The following GABRR1 variants were observed in gnomAD, a reference collection of about 807,000 sequenced individuals.
GABRR1 encodes gamma-aminobutyric acid receptor subunit rho-1.
In GABRR1, 59 loss-of-function variants were observed where a neutral mutation model predicts 55.5. The observed-to-expected ratio is 1.06, with a 90% CI of 0.86 to 1.32. The LOEUF (loss-of-function observed/expected upper bound fraction) is 1.32, where lower values mean the gene tolerates loss of function less well. Among genes scored for constraint, GABRR1 ranks in the 40% most tolerant of loss-of-function variants. The pLI is 0.00. For missense variants in GABRR1, 602 were observed against 619.1 expected, an observed-to-expected ratio of 0.97 and a Z score of 0.29; for synonymous variants, 213 against 226.0, an observed-to-expected ratio of 0.94 and a Z score of 0.51.
intron 7 of GABRR1, among the ~76,000 whole-genome samples, chr6:89,184,153 T>C (rs902339554): frequency 6.6e-6 from 1 of 151,698 alleles, no homozygotes. Flanking sequence ...GGCAGGAGAA[T>C]TGCTTGAACC....
intron 5 of GABRR1, among the ~76,000 whole-genome samples, chr6:89,191,422 G>T (rs957475435): frequency 3.9e-5 from 6 of 152,108 alleles, no homozygotes; most frequent in Non-Finnish European, 5.9e-5. Flanking sequence ...CTAACTTCAG[G>T]GACACTTCGA....
At chr6:89,205,072 A>G (rs1772600214) in intron 1 of GABRR1, among the ~76,000 whole-genome samples, 1 of 152,182 alleles carries the variant, frequency 6.6e-6, no homozygotes, top group African/African-American at 2.4e-5. Context: ...GTGAGTTACC[A>G]TGCTAACTCC....
chr6:89,190,253 G>T lies in GABRR1; in HGVS notation c.573-6C>A. ...ACATTGCAGTTACTGTAACCCTAGG[G>T]CCAAAAAGACAAAATTGATTTATTC... is the stretch of plus-strand genomic sequence containing the variant. On this transcript the variant is annotated splice_polypyrimidine_tract_variant and splice_region_variant and intron_variant, in intron 5 of 9. Coordinates refer to ENST00000454853, the MANE Select transcript of GABRR1 (RefSeq NM_002042.5). The T allele has an allele frequency of 6.3e-7, 1 of 1,593,666 alleles. No individual in the cohort carries two copies. Among genetic ancestry groups the T allele is most frequent in the Non-Finnish European group, 8.5e-7 (1 of 1,170,622 alleles).
At chr6:89,199,148 T>C (rs1772387941) in intron 4 of GABRR1, among the ~76,000 whole-genome samples, 2 of 152,164 alleles carry the variant, frequency 1.3e-5, no homozygotes, top group African/African-American at 2.4e-5. Flanking sequence ...GCCTGGCCAC[T>C]GGAGTGAGAA....
intron 5 of GABRR1, among the ~76,000 whole-genome samples, chr6:89,191,974 G>A (rs1582384015): frequency 1.3e-5 from 2 of 151,886 alleles, no homozygotes; most frequent in African/African-American, 2.4e-5. Context: ...CCTGGGAGGC[G>A]GAGGTTGCAG....
intron 5 of GABRR1, among the ~76,000 whole-genome samples, chr6:89,190,957 G>A (rs1426509642): frequency 1.3e-5 from 2 of 152,196 alleles, no homozygotes; most frequent in Non-Finnish European, 2.9e-5. Context: ...CCTATCCAGT[G>A]GGGAATTTCA....
At chr6:89,207,463 G>C (rs1239800709) in intron 1 of GABRR1, among the ~76,000 whole-genome samples, 2 of 152,240 alleles carry the variant, frequency 1.3e-5, no homozygotes, top group East Asian at 3.9e-4. Context: ...CCAAAATGCT[G>C]GGATTACAAG....
intron 1 of GABRR1, among the ~76,000 whole-genome samples, chr6:89,208,013 G>C (rs1425620327): frequency 1.3e-5 from 2 of 152,290 alleles, no homozygotes; most frequent in South Asian, 4.1e-4. Flanking sequence ...AGATGGCTTC[G>C]AAACCTTTCA....
Position 89,216,700 on chromosome 6 carries a change from T to C in GABRR1, c.122+501A>G, listed in dbSNP as rs548183508. Reference sequence around the variant, plus strand: ...GTCCCTGGCCCTCCCAATTTATAGGTAGGGAACCATCTAATAATGATCCTT... The same window carrying C: ...GTCCCTGGCCCTCCCAATTTATAGGCAGGGAACCATCTAATAATGATCCTT... On this transcript the variant is annotated intron_variant, in intron 1 of 9. Transcript: ENST00000454853. Among the ~76,000 whole-genome samples the C allele has an allele frequency of 1.1e-4, 17 of 152,320 alleles. No individual in the cohort carries two copies. The South Asian group carries it at 2.9e-3, about 26-fold the overall frequency.
Position 89,206,786 on chromosome 6 carries a change from A to T in GABRR1, c.123-3301T>A, listed in dbSNP as rs935651034. Among the ~76,000 whole-genome samples the T allele has an allele frequency of 6.7e-3, 89 of 13,344 alleles. 2 individuals are homozygous for T. The highest frequency in any genetic ancestry group is 2.8e-3 in the Non-Finnish European group (17 of 6,042). 8.8% of individuals were successfully genotyped at this position (13,344 alleles called of 152,430 possible). A position where few individuals can be genotyped will look rare whatever the true frequency, so the allele number is the denominator to read the frequency against. On this transcript the variant is annotated intron_variant, in intron 1 of 9. Coordinates refer to ENST00000454853, the MANE Select transcript of GABRR1 (RefSeq NM_002042.5). The stretch of plus-strand genomic sequence containing the variant: ...GTGTGACACCATGCCCAGCTAATTT[A>T]AAAAAAAAAATTGTAGTGAAGGGGT...
At chr6:89,223,913 G>C (rs1207544962) in intron 1 of GABRR1, among the ~76,000 whole-genome samples, 1 of 151,636 alleles carries the variant, frequency 6.6e-6, no homozygotes, top group East Asian at 1.9e-4. Flanking sequence ...ACAGGCATAT[G>C]CCACCATGCC....
chr6:89,187,193 G>A (rs1463792852), intron 6 of GABRR1, among the ~76,000 whole-genome samples: 1 of 151,416 alleles, frequency 6.6e-6, no homozygotes, highest in Non-Finnish European at 1.5e-5. Context: ...TCTTTCTGTG[G>A]CCTGGTTTCT....
intron 5 of GABRR1, among the ~76,000 whole-genome samples, chr6:89,194,557 G>A (rs1006369503): frequency 6.6e-6 from 1 of 152,152 alleles, no homozygotes; most frequent in Non-Finnish European, 1.5e-5. Context: ...ACAAGACCAT[G>A]ATTTGTAATC....
At chr6:89,180,220 G>C in intron 9 of GABRR1, 72 bp downstream of exon 9, 1 of 1,519,764 alleles carries the variant, frequency 6.6e-7, no homozygotes, top group Non-Finnish European at 8.9e-7. Flanking sequence ...GAGAAGGTCT[G>C]CCCTGCCTGA....
intron 1 of GABRR1, among the ~76,000 whole-genome samples, chr6:89,226,397 G>T (rs552893898): frequency 7.7e-4 from 113 of 146,038 alleles, no homozygotes; most frequent in African/African-American, 2.9e-3. Context: ...TATGGTTTTA[G>T]GTCTAACGTT....
At chr6:89,203,348 C>G in intron 2 of GABRR1, 87 bp downstream of exon 2, 1 of 1,181,450 alleles carries the variant, frequency 8.5e-7, no homozygotes, top group South Asian at 1.2e-5. Flanking sequence ...GGTGAGGGGT[C>G]GGGGAGGGGC....
intron 1 of GABRR1, among the ~76,000 whole-genome samples, chr6:89,226,046 G>C (rs1419015133): frequency 6.6e-6 from 1 of 151,664 alleles, no homozygotes; most frequent in Non-Finnish European, 1.5e-5. Flanking sequence ...TGTGTTTTTT[G>C]GCTGCATAAA....
At chr6:89,224,660 A>T (rs1773168680) in intron 1 of GABRR1, among the ~76,000 whole-genome samples, 1 of 152,188 alleles carries the variant, frequency 6.6e-6, no homozygotes, top group Non-Finnish European at 1.5e-5. Context: ...TGCTGTGCAG[A>T]AGCTCTTTAG....
At position 89,228,984 on chromosome 6, in the gene GABRR1, T is replaced by G. The variant is rs1459136544; in HGVS notation, c.-411+2232A>C. ...ATATATATTTAGGATAGTTAGCTCT[T>G]CTTGTTGAATTGATCCCTTTACCAT... On this transcript the variant is annotated intron_variant, in intron 1 of 11. Coordinates refer to the GABRR1 transcript ENST00000369451. Among the ~76,000 whole-genome samples, 4 of 150,478 alleles carry G rather than the reference T, an allele frequency of 2.7e-5. No individual in the cohort carries two copies. In the East Asian group the frequency reaches 7.8e-4, roughly 29 times the overall value.
Sources: allele counts gnomAD v4.1 joint callset (sites outside exome capture counted in the v4.1 genomes callset), GRCh38; gene constraint gnomAD v4.1.1; transcripts MANE v1.5; gene names NCBI Gene and HGNC (gene_info 2026-07-23, HGNC 2026-07-21).